Variants in TGFBR2 observed in about 807,000 individuals in gnomAD.
TGFBR2 encodes the protein transforming growth factor beta receptor 2, also known as TGF-beta receptor type-2.
In TGFBR2, 18 loss-of-function variants were observed where a neutral mutation model predicts 49.0. That is an observed-to-expected ratio of 0.37 (90% CI 0.25 to 0.54). TGFBR2 has a LOEUF of 0.54. TGFBR2 is among the 20% of genes least tolerant of loss of function. TGFBR2 has a pLI of 0.85. For synonymous variants in TGFBR2, 282 were observed against 275.9 expected (o/e 1.02, Z -0.22); for missense variants, 525 against 722.6 (o/e 0.73, Z 3.13).
At chr3:30,681,160 G>GGAAAAAAA (rs1553631102) in intron 5 of TGFBR2, among the ~76,000 whole-genome samples, 2 of 83,004 alleles carry the variant, frequency 2.4e-5, no homozygotes, top group African/African-American at 4.9e-5. Context: ...CTTGTGAGAT[G>GGAAAAAAA]AAAAAAAAAA....
chr3:30,616,825 C>T (rs904864454), intron 1 of TGFBR2, among the ~76,000 whole-genome samples: 5 of 151,988 alleles, frequency 3.3e-5, no homozygotes, highest in South Asian at 4.2e-4. Flanking sequence ...TGAAAATTTC[C>T]GACTACAGGT....
intron 2 of TGFBR2, 136 bp from the exon 3 acceptor site, chr3:30,650,134 C>T (rs1164829862): frequency 1.2e-6 from 1 of 839,056 alleles, no homozygotes; most frequent in African/African-American, 1.7e-5. Context: ...GAACAGGAAC[C>T]AGCTGCCGTT....
chr3:30,640,799 T>A (rs1698629577), intron 1 of TGFBR2, among the ~76,000 whole-genome samples: 1 of 152,198 alleles, frequency 6.6e-6, no homozygotes, highest in Non-Finnish European at 1.5e-5. Flanking sequence ...GGATTAAAAG[T>A]AATGTTGAAG....
At chr3:30,640,535 G>T (rs1016050610) in intron 1 of TGFBR2, among the ~76,000 whole-genome samples, 7 of 151,970 alleles carry the variant, frequency 4.6e-5, no homozygotes, top group African/African-American at 1.7e-4. Flanking sequence ...ATCATCTCTA[G>T]ATTACTTATA....
At chr3:30,612,935 C>G (rs1043876571) in intron 1 of TGFBR2, among the ~76,000 whole-genome samples, 2 of 152,116 alleles carry the variant, frequency 1.3e-5, no homozygotes, top group African/African-American at 4.8e-5. Context: ...GTCTTAGCAC[C>G]CAACAAGTAG....
chr3:30,638,342 GTAT>G (rs911047041), intron 1 of TGFBR2, among the ~76,000 whole-genome samples: 8 of 152,254 alleles, frequency 5.3e-5, no homozygotes, highest in African/African-American at 1.9e-4. Context: ...AGGTTTTAAA[GTAT>G]TATTACTACA....
upstream of TGFBR2, chr3:30,606,556 A>T (rs1575125647): frequency 1.7e-5 from 5 of 295,862 alleles, no homozygotes; most frequent in East Asian, 2.4e-4. Context: ...GTTGGCGAGG[A>T]GTTTCCTGTT....
chr3:30,683,520 A>C (rs916747706), intron 5 of TGFBR2, among the ~76,000 whole-genome samples: 1 of 152,224 alleles, frequency 6.6e-6, no homozygotes, highest in African/African-American at 2.4e-5. Flanking sequence ...ATAAGGGAAA[A>C]ATTTTAATCA....
chr3:30,645,665 T>C lies in TGFBR2; in HGVS notation c.263+750T>C, dbSNP rs138091117. ...CACACCTGGCTAAGTTTTGTATTTT[T>C]AGTAGAGACGGGGTTTCACCATGTT... On this transcript the variant is annotated intron_variant, in intron 2 of 6. Coordinates refer to ENST00000295754, the MANE Select transcript of TGFBR2 (RefSeq NM_003242.6). Among the ~76,000 whole-genome samples the C allele has an allele frequency of 7.2e-5, 11 of 152,198 alleles. No homozygotes were observed. In the East Asian group the frequency reaches 2.1e-3, roughly 30 times the overall value.
intron 1 of TGFBR2, among the ~76,000 whole-genome samples, chr3:30,636,529 A>G (rs1187148818): frequency 2.0e-5 from 3 of 152,148 alleles, no homozygotes; most frequent in African/African-American, 7.2e-5. Context: ...GCATTTGCTC[A>G]TTTATAATGA....
chr3:30,637,905 T>C (rs1575140777), intron 1 of TGFBR2, among the ~76,000 whole-genome samples: 2 of 152,238 alleles, frequency 1.3e-5, no homozygotes, highest in South Asian at 4.1e-4. Context: ...TTGATTGATA[T>C]CAATAACATG....
At chr3:30,627,480 C>T (rs1698354795) in intron 1 of TGFBR2, among the ~76,000 whole-genome samples, 1 of 151,942 alleles carries the variant, frequency 6.6e-6, no homozygotes, top group African/African-American at 2.4e-5. Flanking sequence ...AAAAAGTTCA[C>T]CTGAGTGTAG....
At chr3:30,662,367 G>A (rs761819216) in intron 3 of TGFBR2, among the ~76,000 whole-genome samples, 7 of 152,116 alleles carry the variant, frequency 4.6e-5, no homozygotes, top group Non-Finnish European at 8.8e-5. Flanking sequence ...ATACATGCAA[G>A]GCTTTTCCAT....
At chr3:30,645,931 G>T (rs1698729310) in intron 2 of TGFBR2, among the ~76,000 whole-genome samples, 1 of 151,840 alleles carries the variant, frequency 6.6e-6, no homozygotes, top group African/African-American at 2.4e-5. Context: ...CATGGTTATA[G>T]ATTGTGAGCA....
At chr3:30,627,659 G>A (rs1482658129) in intron 1 of TGFBR2, among the ~76,000 whole-genome samples, 3 of 151,754 alleles carry the variant, frequency 2.0e-5, no homozygotes, top group African/African-American at 7.3e-5. Flanking sequence ...GCTGTGTTAA[G>A]GTTTAAGGAC....
rs758335794 is a variant in TGFBR2 at position 30,650,471 on chromosome 3, T to C, written c.454+11T>C. On this transcript the variant is annotated intron_variant, in intron 3 of 6. Coordinates refer to ENST00000295754, the MANE Select transcript of TGFBR2 (RefSeq NM_003242.6). ...TCATCTTCTCAGAAGGTGAGTTTTC[T>C]TCTCTTAAGGGTGTGGGACCTGAGA... 8 of 1,613,840 alleles carry C rather than the reference T, an allele frequency of 5.0e-6. No individual in the cohort carries two copies. In the East Asian group the frequency reaches 1.8e-4, roughly 36 times the overall value.
chr3:30,665,631 C>T (rs937507329), intron 3 of TGFBR2, among the ~76,000 whole-genome samples: 2 of 152,174 alleles, frequency 1.3e-5, no homozygotes, highest in Non-Finnish European at 2.9e-5. Context: ...CAAATCAAGC[C>T]AGGCAGATCT....
intron 2 of TGFBR2, among the ~76,000 whole-genome samples, chr3:30,645,879 T>G (rs938722404): frequency 6.6e-6 from 1 of 151,874 alleles, no homozygotes; most frequent in Non-Finnish European, 1.5e-5. Flanking sequence ...CAAATAATAA[T>G]TATACATACA....
intron 5 of TGFBR2, among the ~76,000 whole-genome samples, chr3:30,680,925 G>A (rs1325786546): frequency 6.6e-6 from 1 of 152,032 alleles, no homozygotes; most frequent in Non-Finnish European, 1.5e-5. Flanking sequence ...GCGGGTGAAG[G>A]CGGGTGAAGG....
Sources: allele counts gnomAD v4.1 joint callset (sites outside exome capture counted in the v4.1 genomes callset), GRCh38; gene constraint gnomAD v4.1.1; transcripts MANE v1.5; gene names NCBI Gene and HGNC (gene_info 2026-07-23, HGNC 2026-07-21).